EIF4E3: variants seen among roughly 807,000 people sequenced by gnomAD.
EIF4E3 encodes the protein eukaryotic translation initiation factor 4E type 3.
Under a neutral mutation model 31.7 loss-of-function variants are expected in EIF4E3, and 26 were observed. The observed-to-expected ratio is 0.82, with a 90% CI of 0.60 to 1.14. The LOEUF (loss-of-function observed/expected upper bound fraction) is 1.14, where lower values mean the gene tolerates loss of function less well. EIF4E3 is among the 50% of genes most tolerant of loss of function. EIF4E3 has a pLI of 0.00. For synonymous variants in EIF4E3, 128 were observed against 107.7 expected (o/e 1.19, Z -1.17); for missense variants, 304 against 270.9 (o/e 1.12, Z -0.86).
chr3:71,753,488 A>C (rs2108171916), exon 1 of EIF4E3: 1 of 151,692 alleles, frequency 6.6e-6, no homozygotes, highest in African/African-American at 2.4e-5. Flanking sequence ...ACTTGTCGCC[A>C]CCTTGCGTCC....
intron 2 of EIF4E3, among the ~76,000 whole-genome samples, chr3:71,703,152 A>G (rs1362875053): frequency 1.3e-5 from 2 of 152,234 alleles, no homozygotes; most frequent in Admixed American, 6.5e-5. Context: ...GGAGAGGTAT[A>G]AAAGTTGAAC....
At chr3:71,691,918 G>A (rs1160252628) in intron 5 of EIF4E3, among the ~76,000 whole-genome samples, 1 of 152,188 alleles carries the variant, frequency 6.6e-6, no homozygotes, top group African/African-American at 2.4e-5. Context: ...TTTCAAGAGT[G>A]GCCATGAAGT....
chr3:71,716,325 C>T (rs1033995458), intron 1 of EIF4E3, among the ~76,000 whole-genome samples: 3 of 152,168 alleles, frequency 2.0e-5, no homozygotes, highest in African/African-American at 7.2e-5. Flanking sequence ...CTCCGCCTCC[C>T]GGGTTCACGC....
chr3:71,707,914 A>T (rs1383950854), intron 2 of EIF4E3, among the ~76,000 whole-genome samples: 3 of 147,532 alleles, frequency 2.0e-5, no homozygotes, highest in Non-Finnish European at 4.5e-5. Flanking sequence ...AGAGAGACAG[A>T]GTCTCACTCT....
In EIF4E3 at chr3:71,684,739, GA is replaced by G. The variant is rs770263319; in HGVS notation, c.629-12del. On this transcript the variant is annotated splice_polypyrimidine_tract_variant and intron_variant, in intron 6 of 6. Coordinates refer to ENST00000425534, the MANE Select transcript of EIF4E3 (RefSeq NM_001134651.2). ...GATGCTCTTCATGGGCTAAAGGACA[GA>G]AAAAAAACAAAAAAGAAAAAAAGGA... 4 of 1,608,690 alleles carry G rather than the reference GA, an allele frequency of 2.5e-6. No homozygotes were observed. The highest frequency in any genetic ancestry group is 2.5e-6 in the Non-Finnish European group (3 of 1,177,834).
At chr3:71,737,823 T>A (rs1033209250) in intron 1 of EIF4E3, among the ~76,000 whole-genome samples, 2 of 152,008 alleles carry the variant, frequency 1.3e-5, no homozygotes, top group African/African-American at 4.8e-5. Context: ...ATTTTTTTCA[T>A]AGGAAATCAT....
At chr3:71,731,574 C>T (rs1402660209) in intron 1 of EIF4E3, among the ~76,000 whole-genome samples, 1 of 152,220 alleles carries the variant, frequency 6.6e-6, no homozygotes, top group Non-Finnish European at 1.5e-5. Context: ...GTGCCTAGTG[C>T]AGGGCCTGTC....
At chr3:71,725,739 A>T (rs117104248), upstream of EIF4E3, among the ~76,000 whole-genome samples, 129 of 152,230 alleles carry the variant, frequency 8.5e-4, 1 homozygote, top group East Asian at 0.024. The surrounding 1 kb of genome is among the most constrained non-coding windows in gnomAD (Gnocchi z 6.1). Context: ...CTCTGCAGCC[A>T]TGCAAAAGGG....
At chr3:71,754,555 C>T (rs1313176379), upstream of EIF4E3, 7 of 1,368,064 alleles carry the variant, frequency 5.1e-6, no homozygotes, top group Non-Finnish European at 6.6e-6. This position sits in a 1 kb window ranked among gnomAD's most constrained non-coding sequence, Gnocchi z 5.8. Flanking sequence ...GACGAGGACG[C>T]GCCGTGCGCC....
At chr3:71,735,011 C>T (rs970931803) in intron 1 of EIF4E3, among the ~76,000 whole-genome samples, 3 of 151,976 alleles carry the variant, frequency 2.0e-5, no homozygotes, top group Non-Finnish European at 4.4e-5. Flanking sequence ...AAACTGGGGC[C>T]CCAGTGGTTG....
In EIF4E3 at chr3:71,725,273, A is replaced by G. The variant is rs2049615885; in HGVS notation, c.95T>C (p.Leu32Pro). The change falls in exon 1 of 7, where the codon CTC becomes CCC. Residue 32 changes from leucine to proline, a missense_variant. Physicochemically the swap from Leu to Pro is moderately conservative, Grantham distance 98. Transcript: ENST00000425534. This position sits in a 1 kb window ranked among gnomAD's most constrained non-coding sequence, Gnocchi z 6.1. The part of the protein sequence containing the change: ...AAAAAAPEPP[L>P]GLQQLSALQP... The stretch of plus-strand genomic sequence containing the variant: ...CAGCGCCGACAGCTGCTGCAGGCCG[A>G]GCGGCGGCTCGGGGGCGGCGGCAGC... 1.9e-6 allele frequency: 2 copies of G among 1,027,676 alleles called. No individual in the cohort carries two copies. Among genetic ancestry groups the G allele is most frequent in the Non-Finnish European group, 2.3e-6 (2 of 860,112 alleles). The allele number at this position is 1,027,676 out of a possible 1,614,324, so 63.7% of individuals were successfully genotyped here.
intron 6 of EIF4E3, among the ~76,000 whole-genome samples, chr3:71,687,167 G>A (rs958003235): frequency 5.3e-5 from 8 of 151,998 alleles, no homozygotes; most frequent in African/African-American, 1.7e-4. Flanking sequence ...CGCCTGGCTA[G>A]CTTTTTATAT....
chr3:71,714,242 A>AAGGAAGG (rs1559602441), intron 1 of EIF4E3, among the ~76,000 whole-genome samples: 5 of 132,018 alleles, frequency 3.8e-5, no homozygotes, highest in African/African-American at 1.2e-4. Context: ...GGGAAGAAGG[A>AAGGAAGG]AAGGAAGGAA....
chr3:71,659,905 A>G, the EIF4E3 span, among the ~76,000 whole-genome samples: 1 of 152,248 alleles, frequency 6.6e-6, no homozygotes, highest in Non-Finnish European at 1.5e-5. Flanking sequence ...GGAGGAGGCC[A>G]AAGTGTAGAT....
chr3:71,662,141 C>T, the EIF4E3 span, among the ~76,000 whole-genome samples: 1 of 152,210 alleles, frequency 6.6e-6, no homozygotes, highest in Non-Finnish European at 1.5e-5. Flanking sequence ...CACTGGCCTC[C>T]ACCTCCAAGG....
At chr3:71,664,671 C>T in the EIF4E3 span, among the ~76,000 whole-genome samples, 51 of 151,974 alleles carry the variant, frequency 3.4e-4, no homozygotes, top group African/African-American at 1.2e-3. Context: ...GTCAGGAGTC[C>T]GAGACCAGTC....
intron 2 of EIF4E3, among the ~76,000 whole-genome samples, chr3:71,708,485 A>G (rs2049326871): frequency 6.6e-6 from 1 of 152,158 alleles, no homozygotes; most frequent in African/African-American, 2.4e-5. Flanking sequence ...TAAAGGAAGT[A>G]TTTCCTAGTA....
downstream of EIF4E3, among the ~76,000 whole-genome samples, chr3:71,675,082 T>C (rs1430441638): frequency 6.6e-6 from 1 of 152,180 alleles, no homozygotes; most frequent in East Asian, 1.9e-4. Context: ...CCACCAAACC[T>C]TTTACCAGAA....
intron 1 of EIF4E3, among the ~76,000 whole-genome samples, chr3:71,717,541 A>T (rs2049483929): frequency 6.6e-6 from 1 of 152,138 alleles, no homozygotes; most frequent in South Asian, 2.1e-4. Flanking sequence ...CTCCCATGAA[A>T]CTGGCTCTTG....
Sources: gnomAD v4.1 joint callset for allele counts (sites outside exome capture counted in the v4.1 genomes callset) on GRCh38, gnomAD v4.1.1 for gene constraint, Gnocchi (gnomAD v3.1) non-coding constraint, MANE v1.5 for transcripts, NCBI Gene and HGNC (gene_info 2026-07-23, HGNC 2026-07-21) for gene names.